Variants in PIEZO1 observed in about 807,000 individuals in gnomAD.
PIEZO1 encodes piezo type mechanosensitive ion channel component 1 (Er blood group), also known as piezo-type mechanosensitive ion channel component 1.
PIEZO1 carries 296 observed loss-of-function variants against 297.2 expected under a neutral mutation model. That is an observed-to-expected ratio of 1.00 (90% CI 0.91 to 1.10). The LOEUF is 1.10. Among genes scored for constraint, PIEZO1 ranks in the 50% least tolerant of loss-of-function variants. PIEZO1 has a pLI of 0.00. For synonymous variants in PIEZO1, 2,427 were observed against 1,507.5 expected (o/e 1.61, Z -14.13); for missense variants, 5,018 against 3,455.5 (o/e 1.45, Z -11.34).
At position 88,727,094 on chromosome 16, in the gene PIEZO1, G is replaced by C. The variant is rs775384549; in HGVS notation, c.3400C>G (p.Arg1134Gly). ...GGCTCCCCCCGCAGCGGCTCCAGGCGGTCGGTGTTGACGCCAGCCATGCGC... is the reference window on the plus strand; with the variant it reads ...GGCTCCCCCCGCAGCGGCTCCAGGCCGTCGGTGTTGACGCCAGCCATGCGC... ...WQRMAGVNTD[R>G]LEPLRGEPNP... Residue 1134 changes from arginine (R) to glycine (G), a missense_variant, in exon 24 of 51, where the codon CGC (arginine) becomes GGC (glycine). By Grantham distance (125) the Arg-to-Gly change is moderately radical. Coordinates refer to ENST00000301015, the MANE Select transcript of PIEZO1 (RefSeq NM_001142864.4). 1 of 1,549,870 alleles carries C rather than the reference G, an allele frequency of 6.5e-7. No homozygotes were observed. Among genetic ancestry groups the C allele is most frequent in the East Asian group, 2.4e-5 (1 of 40,904 alleles).
Position 88,722,646 on chromosome 16 carries a change from CTTGTGTACAGCTGA to C in PIEZO1, c.4698_4711del (p.Asp1566GlufsTer52). The C allele has an allele frequency of 6.5e-7, 1 of 1,538,660 alleles. No homozygotes were observed. The highest frequency in any genetic ancestry group is 8.7e-7 in the Non-Finnish European group (1 of 1,146,346). On this transcript the variant is annotated frameshift_variant, in exon 35 of 51. Transcript: ENST00000301015. LOFTEE classifies it high-confidence loss of function. ...GCCTGGCAGCGTGGCCTCGGCCTGGCTTGTGTACAGCTGATCCAGCACGCCCCTGTGCACTTCGC... is the reference window on the plus strand; with the variant it reads ...GCCTGGCAGCGTGGCCTCGGCCTGGCTCCAGCACGCCCCTGTGCACTTCGC...
chr16:88,746,665 G>A (rs975044665), intron 2 of PIEZO1, among the ~76,000 whole-genome samples: 6 of 152,116 alleles, frequency 3.9e-5, no homozygotes, highest in Admixed American at 6.6e-5. Context: ...TCTCCCTCCC[G>A]GAAAACTGGG....
chr16:88,780,226 G>A lies in PIEZO1; in HGVS notation c.64+4675C>T, dbSNP rs148868833. Among the ~76,000 whole-genome samples the A allele has an allele frequency of 4.6e-5, 7 of 152,304 alleles. No homozygotes were observed. The East Asian group carries it at 1.4e-3, about 29-fold the overall frequency. ...AAGGAGAGGAGAAGCCTTCACCCCGGGCCTGTCCCTTCCCACCAGTGTGAT... is the reference window on the plus strand; with the variant it reads ...AAGGAGAGGAGAAGCCTTCACCCCGAGCCTGTCCCTTCCCACCAGTGTGAT... On this transcript the variant is annotated intron_variant, in intron 1 of 50. Coordinates refer to ENST00000301015, the MANE Select transcript of PIEZO1 (RefSeq NM_001142864.4).
intron 2 of PIEZO1, chr16:88,743,496 A>ATCTGGG (rs1313232733): frequency 2.2e-6 from 1 of 454,188 alleles, no homozygotes; most frequent in Non-Finnish European, 4.4e-6. Flanking sequence ...GACAGGTAGC[A>ATCTGGG]TCTGGGTCTG....
intron 2 of PIEZO1, 41 bp downstream of exon 2, chr16:88,749,343 C>T (rs1292396318): frequency 1.5e-6 from 2 of 1,328,554 alleles, no homozygotes; most frequent in African/African-American, 1.5e-5. Flanking sequence ...ATGCCCACCC[C>T]CTCCCACCCT....
At chr16:88,760,345 G>T (rs563414575) in intron 1 of PIEZO1, among the ~76,000 whole-genome samples, 69 of 152,266 alleles carry the variant, frequency 4.5e-4, no homozygotes, top group Admixed American at 2.2e-3. Flanking sequence ...AGAGTTGAGA[G>T]AAACTCAAGA....
Position 88,737,728 on chromosome 16 carries a change from C to T in PIEZO1, c.1107G>A (p.Gln369=). 6 of 1,535,612 alleles carry T rather than the reference C, an allele frequency of 3.9e-6. No homozygotes were observed. The highest frequency in any genetic ancestry group is 5.2e-6 in the Non-Finnish European group (6 of 1,146,630). Residue 369 remains glutamine (Q), a splice_region_variant and synonymous_variant, in exon 9 of 51, where the codon CAG becomes CAA. Coordinates refer to ENST00000301015, the MANE Select transcript of PIEZO1 (RefSeq NM_001142864.4). ...CGTCTCCACCTGCCTGGCTGCTCAC[C>T]TGGTCAGACTCCCGTTCCTGGGGCC... is the stretch of plus-strand genomic sequence containing the variant. ...DQWPQERESD[Q]HVVPTAPDTE...
intron 29 of PIEZO1, 103 bp from the exon 30 acceptor site, chr16:88,725,183 C>A: frequency 1.2e-6 from 1 of 828,936 alleles, no homozygotes; most frequent in Non-Finnish European, 1.9e-6. Context: ...GAGACAGACA[C>A]GGACACCCAC....
At chr16:88,719,503 G>T in intron 44 of PIEZO1, 71 bp downstream of exon 44, 1 of 1,420,166 alleles carries the variant, frequency 7.0e-7, no homozygotes, top group Non-Finnish European at 9.6e-7. Context: ...TCTCGTGGCA[G>T]CAGTGCCTCT....
Position 88,785,188 on chromosome 16 carries a change from A to G in PIEZO1, c.-224T>C. 3.8e-6 allele frequency: 1 copy of G among 260,894 alleles called. No individual in the cohort carries two copies. Among genetic ancestry groups the G allele is most frequent in the African/African-American group, 2.3e-5 (1 of 44,244 alleles). The allele number at this position is 260,894 out of a possible 1,614,324, so 16.2% of individuals were successfully genotyped here. On this transcript the variant is annotated 5_prime_UTR_variant, in exon 1 of 51. Transcript: ENST00000301015. ...CTCGGCGGAGCGCAGCGCTCGGCTC[A>G]CTGGGGCCGAGCTGGGCCGGACGGC...
At chr16:88,756,933 G>A (rs530333006) in intron 1 of PIEZO1, among the ~76,000 whole-genome samples, 18 of 152,100 alleles carry the variant, frequency 1.2e-4, no homozygotes, top group Admixed American at 2.6e-4. Context: ...AAAAGTAGCC[G>A]GGTGTGGTGG....
chr16:88,735,533 G>A (rs755723319), intron 12 of PIEZO1, among the ~76,000 whole-genome samples: 3 of 152,258 alleles, frequency 2.0e-5, no homozygotes, highest in Non-Finnish European at 2.9e-5. Context: ...ATCCATGCAC[G>A]CACCTGCACA....
chr16:88,754,704 G>C (rs888290086), intron 1 of PIEZO1, among the ~76,000 whole-genome samples: 3 of 152,338 alleles, frequency 2.0e-5, no homozygotes, highest in Admixed American at 6.5e-5. Context: ...TTGAGCAGGG[G>C]GGCTCCGTGA....
chr16:88,715,531 T>G lies in PIEZO1; in HGVS notation c.*74A>C, dbSNP rs568355773. The G allele has an allele frequency of 4.6e-4, 656 of 1,436,582 alleles. 2 individuals carry two copies. In the African/African-American group the frequency reaches 8.0e-3, roughly 17 times the overall value. The allele number at this position is 1,436,582 out of a possible 1,614,324, so 89.0% of individuals were successfully genotyped here. On this transcript the variant is annotated 3_prime_UTR_variant, in exon 51 of 51. Coordinates refer to ENST00000301015, the MANE Select transcript of PIEZO1 (RefSeq NM_001142864.4). ...GGACGGGGCAGTGGCTCCCCCGGCC[T>G]GAGGAGTGCCGCCCCTTGTGGCCAC...
At chr16:88,717,522 T>C (rs928275849) in intron 44 of PIEZO1, 1 of 535,432 alleles carries the variant, frequency 1.9e-6, no homozygotes, top group Non-Finnish European at 3.6e-6. Context: ...CCTCATACCA[T>C]GTGCCAAAAT....
intron 1 of PIEZO1, among the ~76,000 whole-genome samples, chr16:88,757,875 G>T (rs993224010): frequency 6.6e-6 from 1 of 152,178 alleles, no homozygotes; most frequent in Non-Finnish European, 1.5e-5. Context: ...AGCTCCAGCA[G>T]ATGCCCCAGG....
At chr16:88,736,780 G>A (rs1905248979) in intron 10 of PIEZO1, 41 bp from the exon 11 acceptor site, 5 of 1,289,514 alleles carry the variant, frequency 3.9e-6, no homozygotes, top group Non-Finnish European at 5.3e-6. Context: ...AGGTTGATCT[G>A]CAGGCCTCCC....
At chr16:88,730,838 G>GT (rs1904753709) in intron 22 of PIEZO1, among the ~76,000 whole-genome samples, 1 of 152,244 alleles carries the variant, frequency 6.6e-6, no homozygotes. Flanking sequence ...AAAGCAGCCA[G>GT]TAACAAATGG....
At chr16:88,782,420 A>G (rs1397385462) in intron 1 of PIEZO1, among the ~76,000 whole-genome samples, 1 of 152,142 alleles carries the variant, frequency 6.6e-6, no homozygotes, top group Non-Finnish European at 1.5e-5. Context: ...CCCTGCCCTG[A>G]CATCTCTCTA....
Sources: allele counts gnomAD v4.1 joint callset (sites outside exome capture counted in the v4.1 genomes callset), GRCh38; gene constraint gnomAD v4.1.1; transcripts MANE v1.5; gene names NCBI Gene and HGNC (gene_info 2026-07-23, HGNC 2026-07-21).